CACNA2D3: variants seen among roughly 807,000 people sequenced by gnomAD.
CACNA2D3 encodes the protein calcium voltage-gated channel auxiliary subunit alpha2delta 3.
A neutral mutation model predicts 160.6 loss-of-function variants in CACNA2D3; 60 were observed. The observed-to-expected ratio is 0.37, with a 90% confidence interval of 0.30 to 0.46. CACNA2D3 has a LOEUF of 0.46. CACNA2D3 is among the 20% of genes least tolerant of loss of function. The pLI, the probability that CACNA2D3 is intolerant of heterozygous loss-of-function variation, is 1.00. For synonymous variants in CACNA2D3, 558 were observed against 492.9 expected, an observed-to-expected ratio of 1.13 and a Z score of -1.75; for missense variants, 1,205 against 1,365.0, an observed-to-expected ratio of 0.88 and a Z score of 1.85.
Position 54,545,124 on chromosome 3 carries a change from A to G in CACNA2D3, c.545-17676A>G, listed in dbSNP as rs138455649. Among the ~76,000 whole-genome samples, 497 of 152,366 alleles carry G rather than the reference A, an allele frequency of 3.3e-3. 6 individuals carry two copies. Among genetic ancestry groups the G allele is most frequent in the East Asian group, 0.018 (96 of 5,190 alleles). On this transcript the variant is annotated intron_variant, in intron 5 of 37. Transcript: ENST00000474759. ...CAAACTAACAAACTGATAAAATAGA[A>G]CAACACCATGATACACAAGTTTTAG...
At chr3:54,354,855 G>A (rs1299410134) in intron 3 of CACNA2D3, among the ~76,000 whole-genome samples, 2 of 152,204 alleles carry the variant, frequency 1.3e-5, no homozygotes, top group Non-Finnish European at 2.9e-5. Context: ...AACGACTGCA[G>A]CTTTTGCTCA....
At chr3:54,913,165 C>G (rs1209719425) in intron 27 of CACNA2D3, among the ~76,000 whole-genome samples, 1 of 152,124 alleles carries the variant, frequency 6.6e-6, no homozygotes, top group Non-Finnish European at 1.5e-5. Context: ...TCACTGCAGC[C>G]TTGATCTCCT....
At chr3:54,359,038 G>A (rs1444414912) in intron 3 of CACNA2D3, among the ~76,000 whole-genome samples, 2 of 152,062 alleles carry the variant, frequency 1.3e-5, no homozygotes, top group Non-Finnish European at 2.9e-5. Context: ...GGGGAGAGAT[G>A]AGGTAGTATA....
intron 24 of CACNA2D3, among the ~76,000 whole-genome samples, chr3:54,890,517 AAAAG>A (rs1358158428): frequency 4.0e-4 from 61 of 151,752 alleles, no homozygotes; most frequent in African/African-American, 1.2e-3. Context: ...AAAAAAAAGA[AAAAG>A]AAAGAAAAAA....
intron 27 of CACNA2D3, among the ~76,000 whole-genome samples, chr3:54,960,144 A>C (rs959425893): frequency 6.6e-6 from 1 of 151,936 alleles, no homozygotes; most frequent in Non-Finnish European, 1.5e-5. Context: ...GCCTTCCTAC[A>C]CTGGTTCCCA....
intron 2 of CACNA2D3, among the ~76,000 whole-genome samples, chr3:54,159,159 A>C (rs894391419): frequency 6.6e-6 from 1 of 152,232 alleles, no homozygotes; most frequent in African/African-American, 2.4e-5. Flanking sequence ...TTCAGTCATC[A>C]TAAAAACAGA....
At chr3:54,804,907 T>A (rs567051740) in intron 13 of CACNA2D3, among the ~76,000 whole-genome samples, 6 of 152,136 alleles carry the variant, frequency 3.9e-5, no homozygotes, top group African/African-American at 1.4e-4. Context: ...TCACTCAAAA[T>A]GGCTCAACTA....
intron 13 of CACNA2D3, among the ~76,000 whole-genome samples, chr3:54,775,162 C>T (rs993943813): frequency 6.6e-6 from 1 of 152,184 alleles, no homozygotes; most frequent in Admixed American, 6.5e-5. Context: ...TTAATGGCCT[C>T]AATCTCACAG....
At chr3:54,294,369 C>G (rs1703289706) in intron 2 of CACNA2D3, among the ~76,000 whole-genome samples, 1 of 152,186 alleles carries the variant, frequency 6.6e-6, no homozygotes, top group South Asian at 2.1e-4. Flanking sequence ...TCAGTTTAGG[C>G]CCCCTGGTGA....
At chr3:54,711,245 C>T (rs934099094) in intron 11 of CACNA2D3, among the ~76,000 whole-genome samples, 8 of 152,198 alleles carry the variant, frequency 5.3e-5, no homozygotes, top group African/African-American at 1.9e-4. Context: ...TGCCTCAGCG[C>T]TCCACATTGC....
intron 2 of CACNA2D3, among the ~76,000 whole-genome samples, chr3:54,207,861 G>A (rs1271577564): frequency 6.6e-6 from 1 of 152,066 alleles, no homozygotes; most frequent in Non-Finnish European, 1.5e-5. Flanking sequence ...AGCTATCTCG[G>A]TGCATCTATT....
At chr3:54,493,224 C>T (rs1241056862) in intron 4 of CACNA2D3, among the ~76,000 whole-genome samples, 2 of 151,672 alleles carry the variant, frequency 1.3e-5, no homozygotes, top group African/African-American at 4.8e-5. Flanking sequence ...ACTACAGGCG[C>T]ACACTACCAC....
intron 13 of CACNA2D3, among the ~76,000 whole-genome samples, chr3:54,768,505 C>T (rs1476460315): frequency 6.6e-6 from 1 of 152,112 alleles, no homozygotes; most frequent in South Asian, 2.1e-4. Flanking sequence ...AGGGGGAACC[C>T]ATTGCTACTC....
chr3:54,466,769 T>C (rs1700635079), intron 4 of CACNA2D3, among the ~76,000 whole-genome samples: 1 of 152,260 alleles, frequency 6.6e-6, no homozygotes, highest in Non-Finnish European at 1.5e-5. Context: ...TGCCTAACAC[T>C]GTATAATTAT....
intron 2 of CACNA2D3, among the ~76,000 whole-genome samples, chr3:54,156,080 G>T (rs540068117): frequency 9.2e-5 from 14 of 152,180 alleles, no homozygotes; most frequent in African/African-American, 3.4e-4. Context: ...ACAGCTTCAT[G>T]AGTATAGGAA....
chr3:54,511,735 T>C (rs1312556627), intron 5 of CACNA2D3, among the ~76,000 whole-genome samples: 9 of 152,198 alleles, frequency 5.9e-5, no homozygotes, highest in African/African-American at 9.6e-5. Context: ...TGGTTACTAA[T>C]AGTGTTTTAT....
intron 2 of CACNA2D3, among the ~76,000 whole-genome samples, chr3:54,225,423 G>A (rs1012880496): frequency 1.8e-4 from 28 of 152,086 alleles, no homozygotes; most frequent in Non-Finnish European, 3.5e-4. Context: ...TCCCCTTGTG[G>A]GACTCCATGA....
chr3:54,228,548 C>T (rs754197563), intron 2 of CACNA2D3, among the ~76,000 whole-genome samples: 35 of 152,214 alleles, frequency 2.3e-4, no homozygotes, highest in Admixed American at 1.3e-4. Flanking sequence ...TAGCAGTCAT[C>T]TCTTTAGCAA....
At chr3:54,600,443 C>G (rs1336370336) in intron 9 of CACNA2D3, among the ~76,000 whole-genome samples, 1 of 152,170 alleles carries the variant, frequency 6.6e-6, no homozygotes, top group Non-Finnish European at 1.5e-5. Flanking sequence ...GTATTTGCTA[C>G]AAACTCTTGC....
Sources: allele counts gnomAD v4.1 joint callset (sites outside exome capture counted in the v4.1 genomes callset), GRCh38; gene constraint gnomAD v4.1.1; transcripts MANE v1.5; gene names NCBI Gene and HGNC (gene_info 2026-07-23, HGNC 2026-07-21).